Variants in SCN9A observed in about 807,000 individuals in gnomAD.
SCN9A encodes the protein sodium channel protein type 9 subunit alpha.
Under a neutral mutation model 187.0 loss-of-function variants are expected in SCN9A, and 131 were observed. The ratio of observed to expected loss-of-function variants is 0.70; its 90% confidence interval spans 0.61 to 0.81. The LOEUF (loss-of-function observed/expected upper bound fraction) is 0.81, where lower values mean the gene tolerates loss of function less well. Ranked by LOEUF, SCN9A falls within the 30% of genes least tolerant of loss-of-function variation. The pLI is 0.00. For missense variants in SCN9A, 2,252 were observed against 2,396.6 expected (o/e 0.94, Z 1.26); for synonymous variants, 809 against 808.6 (o/e 1.00, Z -0.01).
At chr2:166,301,101 T>A (rs1448294252) in intron 7 of SCN9A, 1 of 143,540 alleles carries the variant, frequency 7.0e-6, no homozygotes, top group Non-Finnish European at 1.5e-5. Context: ...AGACGGGGTT[T>A]CTTTTTTTTT....
chr2:166,257,370 T>G (rs960479864), intron 17 of SCN9A, among the ~76,000 whole-genome samples: 7 of 151,676 alleles, frequency 4.6e-5, no homozygotes, highest in Admixed American at 4.0e-4. Flanking sequence ...CAAAGTAAGC[T>G]ACCTAGATAT....
chr2:166,241,666 G>A (rs554684541), intron 19 of SCN9A, among the ~76,000 whole-genome samples: 21 of 95,020 alleles, frequency 2.2e-4, no homozygotes, highest in South Asian at 3.8e-4. Flanking sequence ...CACCATTTAC[G>A]TTTCTGAAAT....
intron 1 of SCN9A, among the ~76,000 whole-genome samples, chr2:166,337,875 T>C (rs114525222): frequency 0.016 from 2,384 of 152,208 alleles, 59 homozygotes; most frequent in African/African-American, 0.054. Context: ...TCTAGAATCA[T>C]ACTTGAACCA....
intron 1 of SCN9A, among the ~76,000 whole-genome samples, chr2:166,329,499 C>A (rs1385247214): frequency 6.6e-6 from 1 of 151,256 alleles, no homozygotes; most frequent in Non-Finnish European, 1.5e-5. Context: ...AAAAAGGTTA[C>A]CATAGTAAAG....
At chr2:166,279,617 C>T (rs1697387147) in intron 14 of SCN9A, among the ~76,000 whole-genome samples, 1 of 152,058 alleles carries the variant, frequency 6.6e-6, no homozygotes, top group African/African-American at 2.4e-5. Context: ...TCCAGTTCAA[C>T]CATTTTGGTT....
intron 1 of SCN9A, among the ~76,000 whole-genome samples, chr2:166,337,924 A>C (rs1256610858): frequency 6.6e-6 from 1 of 152,134 alleles, no homozygotes; most frequent in Non-Finnish European, 1.5e-5. Flanking sequence ...TGTTATTATC[A>C]TTATTAGGCA....
At chr2:166,367,494 G>T (rs1700446044) in intron 1 of SCN9A, among the ~76,000 whole-genome samples, 1 of 152,074 alleles carries the variant, frequency 6.6e-6, no homozygotes, top group Non-Finnish European at 1.5e-5. Context: ...TCCAACTCCT[G>T]ACCTCAAGTG....
At position 166,223,851 on chromosome 2, in the gene SCN9A, A is replaced by G. The variant is rs1049633844; in HGVS notation, c.4398+2716T>C. On this transcript the variant is annotated intron_variant, in intron 24 of 26. Coordinates refer to ENST00000642356, the MANE Select transcript of SCN9A (RefSeq NM_001365536.1). ...CATCTACTACGTACTTCTACATAGC[A>G]TGTGTTAACTAATTGAAGTGTTGGT... Among the ~76,000 whole-genome samples the G allele has an allele frequency of 9.2e-5, 14 of 152,282 alleles. 1 individual carries two copies. The highest frequency in any genetic ancestry group is 3.4e-4 in the African/African-American group (14 of 41,554).
intron 17 of SCN9A, among the ~76,000 whole-genome samples, chr2:166,265,661 T>C (rs1459348770): frequency 6.6e-6 from 1 of 152,004 alleles, no homozygotes; most frequent in Non-Finnish European, 1.5e-5. Flanking sequence ...ATAATGGTGG[T>C]ACTAATTTAC....
chr2:166,231,548 C>CTTTTTTTTT (rs57067738), intron 21 of SCN9A, among the ~76,000 whole-genome samples: 7 of 99,064 alleles, frequency 7.1e-5, no homozygotes, highest in African/African-American at 2.4e-4. Context: ...CAAGAATTTG[C>CTTTTTTTTT]TTTTTTTTTT....
intron 1 of SCN9A, among the ~76,000 whole-genome samples, chr2:166,312,723 C>T (rs1343525149): frequency 1.3e-5 from 2 of 152,054 alleles, no homozygotes; most frequent in African/African-American, 4.8e-5. Context: ...CGTTAGCAGG[C>T]ATGAAAATAA....
intron 4 of SCN9A, 118 bp downstream of exon 4, chr2:166,306,392 A>G (rs1302643800): frequency 4.3e-6 from 3 of 693,886 alleles, no homozygotes; most frequent in East Asian, 2.7e-5. Flanking sequence ...AAGCAAGCAT[A>G]TAACATGGGA....
At chr2:166,211,505 T>C (rs1420096267) in intron 24 of SCN9A, among the ~76,000 whole-genome samples, 2 of 138,360 alleles carry the variant, frequency 1.4e-5, no homozygotes, top group African/African-American at 2.7e-5. Context: ...AATACTGTAA[T>C]ACTCTAATAG....
At chr2:166,247,683 A>T (rs1695855258) in intron 18 of SCN9A, among the ~76,000 whole-genome samples, 1 of 151,994 alleles carries the variant, frequency 6.6e-6, no homozygotes, top group Non-Finnish European at 1.5e-5. Flanking sequence ...GGCTCAGCTA[A>T]TTTTTGTATT....
chr2:166,270,063 A>G (rs1254820788), intron 17 of SCN9A, among the ~76,000 whole-genome samples: 2 of 152,118 alleles, frequency 1.3e-5, no homozygotes, highest in African/African-American at 2.4e-5. Context: ...TTAAGCTGAA[A>G]TGAACACGGT....
intron 16 of SCN9A, among the ~76,000 whole-genome samples, chr2:166,275,693 G>C (rs912686926): frequency 1.3e-5 from 2 of 152,072 alleles, no homozygotes; most frequent in Non-Finnish European, 2.9e-5. Flanking sequence ...GAAGGAATTT[G>C]TAAGGCTATA....
chr2:166,364,192 A>G (rs1700358959), intron 1 of SCN9A, among the ~76,000 whole-genome samples: 1 of 151,884 alleles, frequency 6.6e-6, no homozygotes, highest in Admixed American at 6.6e-5. Flanking sequence ...AACATTGACA[A>G]GGGTGTGGAG....
intron 10 of SCN9A, among the ~76,000 whole-genome samples, chr2:166,287,843 G>A (rs879500113): frequency 3.3e-5 from 5 of 151,368 alleles, no homozygotes; most frequent in Non-Finnish European, 5.9e-5. Context: ...CACTGTTTTA[G>A]TCATACCCCA....
At chr2:166,206,607 AC>A (rs1185441357) in intron 24 of SCN9A, among the ~76,000 whole-genome samples, 2 of 152,170 alleles carry the variant, frequency 1.3e-5, no homozygotes, top group East Asian at 3.8e-4. Flanking sequence ...GTACATGTAT[AC>A]CTATGTAACA....
Sources: gnomAD v4.1 joint callset for allele counts (sites outside exome capture counted in the v4.1 genomes callset) on GRCh38, gnomAD v4.1.1 for gene constraint, MANE v1.5 for transcripts, NCBI Gene and HGNC (gene_info 2026-07-23, HGNC 2026-07-21) for gene names.